PDXDC1: variants seen among roughly 807,000 people sequenced by gnomAD.
PDXDC1 encodes pyridoxal dependent decarboxylase domain containing 1.
In PDXDC1, 42 loss-of-function variants were observed where a neutral mutation model predicts 100.1. That is an observed-to-expected ratio of 0.42 (90% CI 0.33 to 0.54). PDXDC1 has a LOEUF of 0.54. Among genes scored for constraint, PDXDC1 ranks in the 20% least tolerant of loss-of-function variants. PDXDC1 has a pLI of 0.10. For synonymous variants in PDXDC1, 260 were observed against 371.7 expected, an observed-to-expected ratio of 0.70 and a Z score of 3.46; for missense variants, 636 against 979.2, an observed-to-expected ratio of 0.65 and a Z score of 4.68.
At chr16:15,072,910 C>T (rs200088594) in intron 16 of PDXDC1, 1 of 1,600,938 alleles carries the variant, frequency 6.2e-7, no homozygotes, top group East Asian at 2.2e-5. Flanking sequence ...TGGGCAAAAA[C>T]AAAGTAAGCT....
intron 16 of PDXDC1, among the ~76,000 whole-genome samples, chr16:15,128,899 G>A (rs1196192666): frequency 6.7e-6 from 1 of 148,614 alleles, no homozygotes; most frequent in East Asian, 2.0e-4. Context: ...TCCGCCTCCC[G>A]GGTTCACGCC....
At chr16:14,977,476 C>T (rs2151128031) in intron 1 of PDXDC1, among the ~76,000 whole-genome samples, 1 of 152,374 alleles carries the variant, frequency 6.6e-6, no homozygotes, top group African/African-American at 2.4e-5. Flanking sequence ...GATGGGGTTT[C>T]ACCACGTTGG....
At chr16:15,027,371 C>T (rs1352154440) in intron 14 of PDXDC1, among the ~76,000 whole-genome samples, 1 of 152,274 alleles carries the variant, frequency 6.6e-6, no homozygotes, top group Non-Finnish European at 1.5e-5. Flanking sequence ...TTTTACAGCT[C>T]CTAAGGCTCC....
At chr16:15,044,477 CT>C in intron 16 of PDXDC1, 1 of 994,772 alleles carries the variant, frequency 1.0e-6, no homozygotes, top group South Asian at 1.3e-5. Flanking sequence ...TCACTTTGAA[CT>C]TTCATTCTCA....
chr16:15,019,052 A>G (rs1398378545), intron 12 of PDXDC1, 87 bp downstream of exon 12: 1 of 1,590,786 alleles, frequency 6.3e-7, no homozygotes, highest in Non-Finnish European at 8.6e-7. Context: ...TTCCATCCAG[A>G]GTGGTGTTGT....
chr16:15,035,941 T>A (rs1186002638), intron 22 of PDXDC1, 75 bp from the exon 23 acceptor site: 1 of 1,418,182 alleles, frequency 7.1e-7, no homozygotes, highest in Non-Finnish European at 9.6e-7. Context: ...AAAGCAATTA[T>A]CTGTTGCAGA....
At chr16:15,143,618 C>T (rs1352704082), downstream of PDXDC1, among the ~76,000 whole-genome samples, 1 of 152,200 alleles carries the variant, frequency 6.6e-6, no homozygotes, top group Non-Finnish European at 1.5e-5. Flanking sequence ...TGGCAGGGCC[C>T]GGGAAGTCTT....
chr16:15,051,130 G>C (rs1227528883), intron 16 of PDXDC1, among the ~76,000 whole-genome samples: 1 of 152,226 alleles, frequency 6.6e-6, no homozygotes, highest in East Asian at 1.9e-4. Flanking sequence ...TTTGAGGGAA[G>C]GGAAGAGAAG....
intron 16 of PDXDC1, among the ~76,000 whole-genome samples, chr16:15,058,918 C>T (rs1319873934): frequency 6.6e-6 from 1 of 152,162 alleles, no homozygotes; most frequent in African/African-American, 2.4e-5. Context: ...CAGGCATGAG[C>T]TACCACACCT....
At chr16:15,117,617 C>A (rs2047282349) in intron 16 of PDXDC1, among the ~76,000 whole-genome samples, 1 of 139,534 alleles carries the variant, frequency 7.2e-6, no homozygotes. Context: ...CACTTGAAGC[C>A]AGGAGGTGGA....
intron 4 of PDXDC1, among the ~76,000 whole-genome samples, 165 bp from the exon 5 acceptor site, chr16:15,004,020 AAT>A (rs1973745808): frequency 6.6e-6 from 1 of 152,278 alleles, no homozygotes; most frequent in Non-Finnish European, 1.5e-5. Context: ...CATCTCAAAA[AAT>A]AGAAAAAATT....
chr16:15,043,469 T>C (rs1343836709), intron 16 of PDXDC1, among the ~76,000 whole-genome samples: 2 of 152,144 alleles, frequency 1.3e-5, no homozygotes, highest in African/African-American at 4.8e-5. Flanking sequence ...TTGAGCCCAG[T>C]AGGTTGAGGC....
At chr16:15,150,068 C>T in the PDXDC1 span, among the ~76,000 whole-genome samples, 4 of 152,084 alleles carry the variant, frequency 2.6e-5, no homozygotes, top group Non-Finnish European at 4.4e-5. Flanking sequence ...ATTTAAAAGA[C>T]AGGCGGTGGC....
rs566808913 is a variant in PDXDC1, at chr16:15,125,799, C to G, written c.1400-13080C>G. ...GCCCGGCAGGTGTGGGGCTCGGGCT[C>G]CCAGCCACCTGCAGGACGACAGCAG... On this transcript the variant is annotated intron_variant, in intron 16 of 16. Coordinates refer to the PDXDC1 transcript ENST00000535621. 8.4e-6 allele frequency: 11 copies of G among 1,310,550 alleles called. No homozygotes were observed. In the Admixed American group the frequency reaches 1.6e-4, roughly 19 times the overall value. 81.2% of individuals were successfully genotyped at this position (1,310,550 alleles called of 1,614,324 possible). A position where few individuals can be genotyped will look rare whatever the true frequency, so the allele number is the denominator to read the frequency against.
At chr16:15,063,104 A>T in intron 16 of PDXDC1, 1 of 943,924 alleles carries the variant, frequency 1.1e-6, no homozygotes, top group South Asian at 1.3e-5. Flanking sequence ...TGCGGGGATT[A>T]CACGCACGAA....
chr16:15,131,662 C>A, intron 16 of PDXDC1: 3 of 1,574,722 alleles, frequency 1.9e-6, no homozygotes, highest in South Asian at 1.1e-5. Context: ...CAGCTCTGAG[C>A]GCTGTGGTGC....
chr16:15,132,444 G>GGGAGA (rs1469572745), intron 16 of PDXDC1, among the ~76,000 whole-genome samples: 2 of 141,676 alleles, frequency 1.4e-5, no homozygotes, highest in African/African-American at 5.3e-5. Flanking sequence ...GGGAGGGGAG[G>GGGAGA]GGAGAGTGGA....
intron 16 of PDXDC1, chr16:15,085,826 A>G: frequency 5.1e-6 from 7 of 1,374,772 alleles, no homozygotes; most frequent in Non-Finnish European, 6.9e-6. Context: ...ATCCAAAGTT[A>G]GCCCAATGAT....
chr16:14,984,892 T>C (rs1303871960), intron 1 of PDXDC1, among the ~76,000 whole-genome samples: 1 of 152,248 alleles, frequency 6.6e-6, no homozygotes, highest in Non-Finnish European at 1.5e-5. Context: ...TTTTTTCCCC[T>C]GAAACAGAGT....
Sources: allele counts gnomAD v4.1 joint callset (sites outside exome capture counted in the v4.1 genomes callset), GRCh38; gene constraint gnomAD v4.1.1; transcripts MANE v1.5; gene names NCBI Gene and HGNC (gene_info 2026-07-23, HGNC 2026-07-21).